WNT3A: variants seen among roughly 807,000 people sequenced by gnomAD.
The protein encoded by WNT3A is Wnt family member 3A.
WNT3A carries 17 observed loss-of-function variants against 37.0 expected under a neutral mutation model. The observed-to-expected ratio is 0.46, with a 90% confidence interval of 0.31 to 0.69. The LOEUF (loss-of-function observed/expected upper bound fraction) is 0.69, where lower values mean the gene tolerates loss of function less well. Among genes scored for constraint, WNT3A ranks in the 30% least tolerant of loss-of-function variants. WNT3A has a pLI of 0.05. For missense variants in WNT3A, 411 were observed against 510.2 expected (o/e 0.81, Z 1.87); for synonymous variants, 187 against 211.0 (o/e 0.89, Z 0.99).
intron 2 of WNT3A, among the ~76,000 whole-genome samples, chr1:228,024,188 C>T (rs2030799531): frequency 6.6e-6 from 1 of 152,232 alleles, no homozygotes. Flanking sequence ...CAGGGTAATT[C>T]TGTTTCGCTT....
chr1:228,009,491 A>G (rs765957426), intron 1 of WNT3A, among the ~76,000 whole-genome samples: 6 of 152,042 alleles, frequency 3.9e-5, no homozygotes, highest in Non-Finnish European at 7.4e-5. Context: ...TCCACCCCAG[A>G]TTAAGCATCA....
intron 2 of WNT3A, among the ~76,000 whole-genome samples, chr1:228,046,643 G>T (rs111068386): frequency 1.2e-3 from 177 of 151,304 alleles, no homozygotes; most frequent in African/African-American, 4.2e-3. Context: ...TGGTATGCCT[G>T]CATGGTGTGC....
Position 228,007,865 on chromosome 1 carries a change from G to C in WNT3A, c.71+666G>C, listed in dbSNP as rs1310379204. ...CACCTGGCAATGAGGGGCTGCTGTA[G>C]AGAGAGTTAAGGGTGAGTTAAGCAC... On this transcript the variant is annotated intron_variant, in intron 1 of 3. Coordinates refer to ENST00000284523, the MANE Select transcript of WNT3A (RefSeq NM_033131.4). The surrounding 1 kb of genome is among the most constrained non-coding windows in gnomAD (Gnocchi z 6.0). Among the ~76,000 whole-genome samples the C allele has an allele frequency of 2.0e-5, 3 of 152,186 alleles. No individual in the cohort carries two copies. Among genetic ancestry groups the C allele is most frequent in the African/African-American group, 7.2e-5 (3 of 41,466 alleles).
At position 228,060,221 on chromosome 1, in the gene WNT3A, G is replaced by C. The variant is rs41270173; in HGVS notation, c.*756G>C. 1 of 1,351,642 alleles carries C rather than the reference G, an allele frequency of 7.4e-7. No homozygotes were observed. The highest frequency in any genetic ancestry group is 1.5e-5 in the African/African-American group (1 of 67,702). The allele number at this position is 1,351,642 out of a possible 1,614,324, so 83.7% of individuals were successfully genotyped here. ...CTGCAGGAATCCCGGCTCCAGAGCA[G>C]GAAATTCAGCCCACCAGCCACCTCA... On this transcript the variant is annotated 3_prime_UTR_variant, in exon 4 of 4. Transcript: ENST00000284523.
rs116201409 is a variant in WNT3A, at chr1:228,060,235, C to T, written c.*770C>T. On this transcript the variant is annotated 3_prime_UTR_variant, in exon 4 of 4. Transcript: ENST00000284523. The stretch of plus-strand genomic sequence containing the variant: ...GCTCCAGAGCAGGAAATTCAGCCCA[C>T]CAGCCACCTCATCCCCAACCCCCTG... 9.0e-4 allele frequency: 1,216 copies of T among 1,351,710 alleles called. 8 individuals carry two copies. In the African/African-American group the frequency reaches 0.016, roughly 18 times the overall value. The allele number at this position is 1,351,710 out of a possible 1,614,324, so 83.7% of individuals were successfully genotyped here. A position where few individuals can be genotyped will look rare whatever the true frequency, so the allele number is the denominator to read the frequency against.
Position 228,059,995 on chromosome 1 carries a change from G to A in WNT3A, c.*530G>A, listed in dbSNP as rs1188643297. ...GGAGTGGGGTTTTATGGTGGATGAG[G>A]CTTCTTCCTGGATGGGGCAGAGCTT... On this transcript the variant is annotated 3_prime_UTR_variant, in exon 4 of 4. Transcript: ENST00000284523. 1.1e-5 allele frequency: 13 copies of A among 1,154,132 alleles called. No individual in the cohort carries two copies. Among genetic ancestry groups the A allele is most frequent in the Non-Finnish European group, 1.3e-5 (12 of 922,186 alleles). The allele number at this position is 1,154,132 out of a possible 1,614,324, so 71.5% of individuals were successfully genotyped here.
intron 1 of WNT3A, among the ~76,000 whole-genome samples, chr1:228,018,744 A>C (rs114588242): frequency 0.016 from 2,405 of 152,298 alleles, 80 homozygotes; most frequent in African/African-American, 0.055. Context: ...GGCCCAGCCA[A>C]AATCTGGTGG....
rs1040155658 is a variant in WNT3A at position 228,008,632 on chromosome 1, C to T, written c.71+1433C>T. On this transcript the variant is annotated intron_variant, in intron 1 of 3. Transcript: ENST00000284523. This position sits in a 1 kb window ranked among gnomAD's most constrained non-coding sequence, Gnocchi z 4.9. ...GCCTTGGGGTGCGGGGATACTGACG[C>T]GCGTCCAGACGGCCGCAGGGAGCCA... Among the ~76,000 whole-genome samples the T allele has an allele frequency of 6.6e-6, 1 of 152,116 alleles. No homozygotes were observed. The highest frequency in any genetic ancestry group is 1.5e-5 in the Non-Finnish European group (1 of 67,990).
chr1:228,009,896 G>A (rs934546222), intron 1 of WNT3A, among the ~76,000 whole-genome samples: 1 of 152,172 alleles, frequency 6.6e-6, no homozygotes. Flanking sequence ...CCAAGGCTGA[G>A]CGGGTCTGAA....
At chr1:228,022,326 G>A (rs59780876) in intron 1 of WNT3A, among the ~76,000 whole-genome samples, 5,769 of 152,088 alleles carry the variant, frequency 0.038, 337 homozygotes, top group African/African-American at 0.12. Context: ...GCTGGCTCTG[G>A]TGGTGTGTGC....
Position 228,038,908 on chromosome 1 carries a change from G to C in WNT3A, c.314-11748G>C, listed in dbSNP as rs1292961875. ...CTGGGGAGAGAAGCTGGCTGCAGTA[G>C]GGTGCACTTGGGGGACAGAGGGCAT... On this transcript the variant is annotated intron_variant, in intron 2 of 3. Transcript: ENST00000284523. The surrounding 1 kb of genome is among the most constrained non-coding windows in gnomAD (Gnocchi z 5.7). Among the ~76,000 whole-genome samples, 1 of 152,192 alleles carries C rather than the reference G, an allele frequency of 6.6e-6. No individual in the cohort carries two copies. The highest frequency in any genetic ancestry group is 2.4e-5 in the African/African-American group (1 of 41,442).
At chr1:228,014,564 C>A (rs1371566553) in intron 1 of WNT3A, among the ~76,000 whole-genome samples, 1 of 152,246 alleles carries the variant, frequency 6.6e-6, no homozygotes, top group Admixed American at 6.5e-5. Context: ...ATGGTGGCCA[C>A]TCAGGACCCC....
chr1:228,041,045 C>T (rs1467538044), intron 2 of WNT3A, among the ~76,000 whole-genome samples: 1 of 140,300 alleles, frequency 7.1e-6, no homozygotes, highest in Middle Eastern at 3.8e-3. Flanking sequence ...ATCTATCTAT[C>T]TATCATCTAT....
At chr1:228,028,440 T>C (rs1251356775) in intron 2 of WNT3A, among the ~76,000 whole-genome samples, 1 of 152,122 alleles carries the variant, frequency 6.6e-6, no homozygotes, top group African/African-American at 2.4e-5. Flanking sequence ...TAACTGGGAT[T>C]ACAGGCATGT....
At chr1:228,053,801 G>A (rs2102781272) in intron 3 of WNT3A, among the ~76,000 whole-genome samples, 1 of 152,344 alleles carries the variant, frequency 6.6e-6, no homozygotes, top group African/African-American at 2.4e-5. Context: ...GGATGGGGGT[G>A]TCTGAGACAC....
rs2030217528 is a variant in WNT3A at position 228,007,119 on chromosome 1, TCG to T, written c.-5_-4del. On this transcript the variant is annotated 5_prime_UTR_variant, in exon 1 of 4. Transcript: ENST00000284523. This position sits in a 1 kb window ranked among gnomAD's most constrained non-coding sequence, Gnocchi z 6.0. ...CGGACTCCCGGCCCTCCGCGCCCTC[TCG>T]CGCGGCGATGGCCCCACTCGGATAC... The T allele has an allele frequency of 1.3e-6, 2 of 1,562,266 alleles. No homozygotes were observed. The highest frequency in any genetic ancestry group is 2.8e-5 in the African/African-American group (2 of 70,282).
intron 2 of WNT3A, among the ~76,000 whole-genome samples, chr1:228,041,811 T>C (rs954047968): frequency 2.6e-5 from 4 of 152,154 alleles, no homozygotes; most frequent in African/African-American, 4.8e-5. Flanking sequence ...CCACCAGAGA[T>C]AGGGAAGGCT....
intron 2 of WNT3A, among the ~76,000 whole-genome samples, chr1:228,025,575 C>T (rs2030833949): frequency 6.6e-6 from 1 of 152,176 alleles, no homozygotes; most frequent in East Asian, 1.9e-4. Context: ...TCTCTAACTC[C>T]TGGGCTCAAG....
At chr1:228,016,333 C>T (rs535406075) in intron 1 of WNT3A, among the ~76,000 whole-genome samples, 2 of 152,232 alleles carry the variant, frequency 1.3e-5, no homozygotes, top group East Asian at 3.9e-4. Flanking sequence ...GCACACATTC[C>T]CTGTGGCACT....
Sources: gnomAD v4.1 joint callset for allele counts (sites outside exome capture counted in the v4.1 genomes callset) on GRCh38, gnomAD v4.1.1 for gene constraint, Gnocchi (gnomAD v3.1) non-coding constraint, MANE v1.5 for transcripts, NCBI Gene and HGNC (gene_info 2026-07-23, HGNC 2026-07-21) for gene names.